The following PARVA variants were observed in gnomAD, a reference collection of about 807,000 sequenced individuals.
PARVA encodes the protein parvin alpha, also known as alpha-parvin.
Under a neutral mutation model 52.6 loss-of-function variants are expected in PARVA, and 25 were observed. The observed-to-expected ratio is 0.48, with a 90% CI of 0.35 to 0.66. The LOEUF is 0.66. PARVA is among the 30% of genes least tolerant of loss of function. The pLI, the probability that PARVA is intolerant of heterozygous loss-of-function variation, is 0.01. For missense variants in PARVA, 373 were observed against 450.9 expected (o/e 0.83, Z 1.56); for synonymous variants, 185 against 179.1 (o/e 1.03, Z -0.26).
chr11:12,377,852 G>A (rs1010858792), intron 1 of PARVA, 69 bp downstream of exon 1: 21 of 1,241,354 alleles, frequency 1.7e-5, no homozygotes, highest in East Asian at 1.0e-4. Context: ...AGGGGCCGGG[G>A]CACTGGGACC....
At chr11:12,454,523 A>G (rs1940669422) in intron 1 of PARVA, among the ~76,000 whole-genome samples, 1 of 152,020 alleles carries the variant, frequency 6.6e-6, no homozygotes. Context: ...TTACAAAACA[A>G]GCCTGTGTGT....
chr11:12,435,371 C>A (rs1460210966), intron 1 of PARVA, among the ~76,000 whole-genome samples: 1 of 152,214 alleles, frequency 6.6e-6, no homozygotes, highest in Non-Finnish European at 1.5e-5. Context: ...GGGAAAAGTA[C>A]AGAGGGTTGA....
rs528505138 is a variant in PARVA, at chr11:12,385,616, C to T, written c.136+7833C>T. 4.6e-5 allele frequency among the ~76,000 whole-genome samples: 7 copies of T among 152,290 alleles called. No individual in the cohort carries two copies. In the South Asian group the frequency reaches 8.3e-4, roughly 18 times the overall value. On this transcript the variant is annotated intron_variant, in intron 1 of 12. Transcript: ENST00000334956. ...AGGGCCAAATAGTAACTATCTAAGG[C>T]TTTATGAGACCTATGACCTGGTTTG...
At chr11:12,466,551 G>A (rs574932200) in intron 1 of PARVA, among the ~76,000 whole-genome samples, 85 of 152,040 alleles carry the variant, frequency 5.6e-4, no homozygotes, top group South Asian at 1.7e-3. Flanking sequence ...TGATCCGCCC[G>A]CCTCGGCCAC....
At chr11:12,504,223 CA>C in intron 5 of PARVA, 90 bp from the exon 6 acceptor site, 1 of 698,742 alleles carries the variant, frequency 1.4e-6, no homozygotes, top group Non-Finnish European at 2.6e-6. Context: ...CAAACTCTAT[CA>C]GTGGGGTACT....
Position 12,523,618 on chromosome 11 carries a change from T to TG in PARVA, c.1043-4224dup, listed in dbSNP as rs528974112. 3.3e-5 allele frequency among the ~76,000 whole-genome samples: 5 copies of TG among 152,196 alleles called. No homozygotes were observed. The East Asian group carries it at 7.7e-4, about 24-fold the overall frequency. ...TGATAGAAAGAGTCACTAATACCTC[T>TG]GGGGGGGAGGAGCAAACAATGAGCC... is the stretch of plus-strand genomic sequence containing the variant. On this transcript the variant is annotated intron_variant, in intron 12 of 12. Transcript: ENST00000334956.
At chr11:12,397,046 T>A (rs1472651001) in intron 1 of PARVA, among the ~76,000 whole-genome samples, 1 of 152,194 alleles carries the variant, frequency 6.6e-6, no homozygotes, top group African/African-American at 2.4e-5. Context: ...TTTATTCTTT[T>A]TCACGTACCT....
chr11:12,451,106 G>A (rs567954632), intron 1 of PARVA, among the ~76,000 whole-genome samples: 1 of 152,320 alleles, frequency 6.6e-6, no homozygotes, highest in East Asian at 1.9e-4. Flanking sequence ...GGCTTGGTCA[G>A]TGTGCTGTGT....
rs963605017 is a variant in PARVA at position 12,532,793 on chromosome 11, C to T, written c.*4868C>T. Among the ~76,000 whole-genome samples the T allele has an allele frequency of 6.6e-6, 1 of 152,150 alleles. No individual in the cohort carries two copies. The highest frequency in any genetic ancestry group is 1.5e-5 in the Non-Finnish European group (1 of 68,036). On this transcript the variant is annotated 3_prime_UTR_variant, in exon 13 of 13. Coordinates refer to ENST00000334956, the MANE Select transcript of PARVA (RefSeq NM_018222.5). ...ATCCCCAGACAAGAAGACCTGGCTCCCCAGAGGAGTGCGGAAAGCCAGCAT... is the reference window on the plus strand; with the variant it reads ...ATCCCCAGACAAGAAGACCTGGCTCTCCAGAGGAGTGCGGAAAGCCAGCAT...
intron 12 of PARVA, among the ~76,000 whole-genome samples, chr11:12,522,476 T>C (rs957418443): frequency 6.8e-6 from 1 of 146,504 alleles, no homozygotes; most frequent in Non-Finnish European, 1.5e-5. Flanking sequence ...TGGAGTGCAA[T>C]GGCGTGGTCT....
intron 1 of PARVA, among the ~76,000 whole-genome samples, chr11:12,454,855 AAATT>A (rs1261594788): frequency 3.3e-5 from 5 of 152,232 alleles, no homozygotes; most frequent in African/African-American, 9.6e-5. Flanking sequence ...TCATGTAAAA[AAATT>A]AATAATTCCT....
At chr11:12,405,258 G>C (rs759522740) in intron 1 of PARVA, among the ~76,000 whole-genome samples, 1 of 152,206 alleles carries the variant, frequency 6.6e-6, no homozygotes, top group Non-Finnish European at 1.5e-5. Context: ...GAAGCATGCT[G>C]TCTTCTTCAG....
At chr11:12,458,076 G>A (rs1940721767) in intron 1 of PARVA, among the ~76,000 whole-genome samples, 1 of 152,164 alleles carries the variant, frequency 6.6e-6, no homozygotes, top group South Asian at 2.1e-4. Flanking sequence ...TGTAAGACTG[G>A]GAGGAAAGGA....
At position 12,528,117 on chromosome 11, in the gene PARVA, C is replaced by G. The variant is rs1418513733; in HGVS notation, c.*192C>G. On this transcript the variant is annotated 3_prime_UTR_variant, in exon 13 of 13. Coordinates refer to ENST00000334956, the MANE Select transcript of PARVA (RefSeq NM_018222.5). The stretch of plus-strand genomic sequence containing the variant: ...AATAACTCAGTGGGCTGACCCATCC[C>G]TCCCAGGCGCTGGGGACCAACCTAG... 1.7e-6 allele frequency: 1 copy of G among 575,850 alleles called. No individual in the cohort carries two copies. Among genetic ancestry groups the G allele is most frequent in the Non-Finnish European group, 3.1e-6 (1 of 320,766 alleles). The allele number at this position is 575,850 out of a possible 1,614,324, so 35.7% of individuals were successfully genotyped here. A position where few individuals can be genotyped will look rare whatever the true frequency, so the allele number is the denominator to read the frequency against.
chr11:12,429,380 C>A (rs1249104666), intron 1 of PARVA, among the ~76,000 whole-genome samples: 1 of 152,116 alleles, frequency 6.6e-6, no homozygotes, highest in Non-Finnish European at 1.5e-5. Context: ...ATAAGTTGCA[C>A]GTTGGTAAAT....
intron 1 of PARVA, among the ~76,000 whole-genome samples, chr11:12,395,358 G>A (rs1419377566): frequency 6.6e-6 from 1 of 152,176 alleles, no homozygotes; most frequent in Non-Finnish European, 1.5e-5. Flanking sequence ...CTTTACACAG[G>A]TCTTCAGGGG....
At chr11:12,419,092 T>A (rs1000405122) in intron 1 of PARVA, among the ~76,000 whole-genome samples, 4 of 152,206 alleles carry the variant, frequency 2.6e-5, no homozygotes, top group African/African-American at 9.7e-5. Flanking sequence ...TTTTTGGTTT[T>A]AAAAAAGTCT....
At chr11:12,432,143 A>G (rs775021084) in intron 1 of PARVA, among the ~76,000 whole-genome samples, 6 of 152,248 alleles carry the variant, frequency 3.9e-5, no homozygotes, top group Non-Finnish European at 8.8e-5. Flanking sequence ...TTGGGAAATT[A>G]CTACTATAGT....
chr11:12,472,317 C>T lies in PARVA; in HGVS notation c.137-1428C>T, dbSNP rs559901770. Among the ~76,000 whole-genome samples, 8 of 152,326 alleles carry T rather than the reference C, an allele frequency of 5.3e-5. No individual in the cohort carries two copies. The South Asian group carries it at 1.7e-3, about 32-fold the overall frequency. On this transcript the variant is annotated intron_variant, in intron 1 of 12. Transcript: ENST00000334956. ...AAAGCCATCCTGGACCACATTGCAG[C>T]CCGTGAGCTGTGGGTTGGACAAGCT...
Sources: allele counts gnomAD v4.1 joint callset (sites outside exome capture counted in the v4.1 genomes callset), GRCh38; gene constraint gnomAD v4.1.1; transcripts MANE v1.5; gene names NCBI Gene and HGNC (gene_info 2026-07-23, HGNC 2026-07-21).